The following L3MBTL2 variants were observed in gnomAD, a reference collection of about 807,000 sequenced individuals.
The protein encoded by L3MBTL2 is L3MBTL histone methyl-lysine binding protein 2.
Under a neutral mutation model 86.4 loss-of-function variants are expected in L3MBTL2, and 49 were observed. The ratio of observed to expected loss-of-function variants is 0.57; its 90% CI spans 0.45 to 0.72. L3MBTL2 has a LOEUF of 0.72. Ranked by LOEUF, L3MBTL2 falls within the 30% of genes least tolerant of loss-of-function variation. The pLI, the probability that L3MBTL2 is intolerant of heterozygous loss-of-function variation, is 0.00. For synonymous variants in L3MBTL2, 336 were observed against 350.6 expected (o/e 0.96, Z 0.47); for missense variants, 755 against 923.7 (o/e 0.82, Z 2.37).
Position 41,225,850 on chromosome 22 carries a change from C to G in L3MBTL2, c.1413C>G (p.Gly471=). The part of the protein sequence containing the change: ...ICVDGGPSTD[G]LDWFCYHASS... ...TGGACGGGGGGCCCTCCACAGATGG[C>G]TTGGACTGGTTCTGCTACCATGCCT... is the stretch of plus-strand genomic sequence containing the variant. The change falls in exon 12 of 17, where the codon GGC becomes GGG. Residue 471 remains glycine (G), a synonymous_variant. Transcript: ENST00000216237. The surrounding 1 kb of genome is among the most constrained non-coding windows in gnomAD (Gnocchi z 4.1). 4 of 1,614,162 alleles carry G rather than the reference C, an allele frequency of 2.5e-6. No homozygotes were observed. The highest frequency in any genetic ancestry group is 3.4e-6 in the Non-Finnish European group (4 of 1,180,022).
At chr22:41,207,236 CTTTTTTTTTT>C (rs753351369) in intron 1 of L3MBTL2, among the ~76,000 whole-genome samples, 4 of 120,524 alleles carry the variant, frequency 3.3e-5, no homozygotes, top group African/African-American at 6.4e-5. Flanking sequence ...CCCCCAAATC[CTTTTTTTTTT>C]TTTTTTTTTT....
At position 41,216,271 on chromosome 22, in the gene L3MBTL2, G is replaced by C. The variant is rs201967099; in HGVS notation, c.520+9G>C. On this transcript the variant is annotated intron_variant, in intron 4 of 16. Coordinates refer to ENST00000216237, the MANE Select transcript of L3MBTL2 (RefSeq NM_031488.5). ...ACCAACAGGACAAGACGGTAAGATAGCAGAGGGCCCTGCTTAGGAAGCTGC... is the reference window on the plus strand; with the variant it reads ...ACCAACAGGACAAGACGGTAAGATACCAGAGGGCCCTGCTTAGGAAGCTGC... The C allele has an allele frequency of 8.7e-6, 14 of 1,611,230 alleles. No homozygotes were observed. Among genetic ancestry groups the C allele is most frequent in the Non-Finnish European group, 1.0e-5 (12 of 1,177,814 alleles).
intron 2 of L3MBTL2, among the ~76,000 whole-genome samples, chr22:41,210,669 G>A (rs894223121): frequency 4.0e-5 from 6 of 151,866 alleles, no homozygotes; most frequent in African/African-American, 1.2e-4. Context: ...TCACCATGTC[G>A]GCCAGGCTGG....
chr22:41,228,415 C>T (rs555818270), intron 15 of L3MBTL2: 3 of 985,466 alleles, frequency 3.0e-6, no homozygotes, highest in African/African-American at 3.5e-5. Flanking sequence ...GCTTGGGTTC[C>T]ACTTGAGGGG....
chr22:41,205,415 G>A lies in L3MBTL2; in HGVS notation c.24+29G>A, dbSNP rs758567833. 7 of 1,613,908 alleles carry A rather than the reference G, an allele frequency of 4.3e-6. No individual in the cohort carries two copies. The South Asian group carries it at 6.6e-5, about 15-fold the overall frequency. On this transcript the variant is annotated intron_variant, in intron 1 of 16. Coordinates refer to ENST00000216237, the MANE Select transcript of L3MBTL2 (RefSeq NM_031488.5). ...AGAAGGCGAGGACTTAGCGTGACTG[G>A]GAAAGGGAACTCCGAGAGCCTCGCT...
At chr22:41,205,925 C>T (rs1048702002) in intron 1 of L3MBTL2, 6 of 157,716 alleles carry the variant, frequency 3.8e-5, no homozygotes, top group Admixed American at 2.4e-4. Flanking sequence ...TAAGTCTGTC[C>T]GCCTCTGAAA....
rs189952384 is a variant in L3MBTL2 at position 41,206,748 on chromosome 22, G to A, written c.24+1362G>A. ...TGGGAGGCGGAGCTTGCAGTGAGCC[G>A]AGATCGGGCCACTGCACCACTGCAC... On this transcript the variant is annotated intron_variant, in intron 1 of 16. Coordinates refer to ENST00000216237, the MANE Select transcript of L3MBTL2 (RefSeq NM_031488.5). Among the ~76,000 whole-genome samples the A allele has an allele frequency of 1.7e-3, 264 of 151,704 alleles. 1 individual carries two copies. The highest frequency in any genetic ancestry group is 6.0e-3 in the African/African-American group (248 of 41,362).
At chr22:41,219,297 A>G in intron 5 of L3MBTL2, 122 bp from the exon 6 acceptor site, 1 of 726,950 alleles carries the variant, frequency 1.4e-6, no homozygotes, top group Non-Finnish European at 2.5e-6. Flanking sequence ...CTGGTTCTGC[A>G]CACAGTGGGT....
intron 1 of L3MBTL2, among the ~76,000 whole-genome samples, chr22:41,208,776 A>G (rs900713994): frequency 6.6e-6 from 1 of 151,962 alleles, no homozygotes; most frequent in Non-Finnish European, 1.5e-5. Context: ...ACAGCATCTC[A>G]CTCCATTACC....
chr22:41,211,684 G>A (rs2030835233), intron 2 of L3MBTL2, among the ~76,000 whole-genome samples: 1 of 148,500 alleles, frequency 6.7e-6, no homozygotes, highest in South Asian at 2.1e-4. Context: ...AGCCTCCCCA[G>A]CAGCTGGGAC....
At chr22:41,213,057 AAC>A (rs1490511398) in intron 2 of L3MBTL2, among the ~76,000 whole-genome samples, 1 of 150,626 alleles carries the variant, frequency 6.6e-6, no homozygotes, top group Non-Finnish European at 1.5e-5. Flanking sequence ...CTCTACTAAA[AAC>A]ACAAAAAAAT....
rs574914336 is a variant in L3MBTL2, at chr22:41,225,257, G to C, written c.1356+186G>C. On this transcript the variant is annotated intron_variant, in intron 11 of 16. Transcript: ENST00000216237. The surrounding 1 kb of genome is among the most constrained non-coding windows in gnomAD (Gnocchi z 4.1). Reference sequence around the variant, plus strand: ...TGCCCCTTGCTCAGAATCTGCTTTCGTGTCAGGGTCCAAGGCTCCCTGGAC... The same window carrying C: ...TGCCCCTTGCTCAGAATCTGCTTTCCTGTCAGGGTCCAAGGCTCCCTGGAC... Among the ~76,000 whole-genome samples, 1 of 152,320 alleles carries C rather than the reference G, an allele frequency of 6.6e-6. No homozygotes were observed. The highest frequency in any genetic ancestry group is 2.1e-4 in the South Asian group (1 of 4,824).
chr22:41,218,354 A>C (rs2031555042), intron 5 of L3MBTL2: 1 of 152,146 alleles, frequency 6.6e-6, no homozygotes, highest in Non-Finnish European at 1.5e-5. Flanking sequence ...CTCTACTAAA[A>C]ATACAAAAAT....
At position 41,219,767 on chromosome 22, in the gene L3MBTL2, T is replaced by C. The variant is rs757623156; in HGVS notation, c.718+231T>C. 2.0e-5 allele frequency among the ~76,000 whole-genome samples: 3 copies of C among 152,122 alleles called. No homozygotes were observed. In the East Asian group the frequency reaches 5.8e-4, roughly 29 times the overall value. On this transcript the variant is annotated intron_variant, in intron 6 of 16. Coordinates refer to ENST00000216237, the MANE Select transcript of L3MBTL2 (RefSeq NM_031488.5). ...TTGTTATTTTGTTTTTTTTAGATGGTGTCTTGCTCTGTCACCCAGGCTGGA... is the reference window on the plus strand; with the variant it reads ...TTGTTATTTTGTTTTTTTTAGATGGCGTCTTGCTCTGTCACCCAGGCTGGA...
At chr22:41,213,577 C>G (rs986461801) in intron 2 of L3MBTL2, 1 of 188,712 alleles carries the variant, frequency 5.3e-6, no homozygotes, top group East Asian at 1.3e-4. Flanking sequence ...CAGACAGGAG[C>G]TACCATGCCT....
intron 2 of L3MBTL2, 152 bp downstream of exon 2, chr22:41,210,085 G>T: frequency 1.0e-6 from 1 of 963,842 alleles, no homozygotes; most frequent in Non-Finnish European, 1.5e-6. Context: ...GACCTGTAAG[G>T]GAGACAGAAG....
intron 5 of L3MBTL2, chr22:41,218,449 G>A (rs2031562562): frequency 6.6e-6 from 1 of 152,056 alleles, no homozygotes. Context: ...AGAGGCGGAG[G>A]TTGTAATGAG....
rs1569146861 is a variant in L3MBTL2, at chr22:41,221,226, A to G, written c.881A>G (p.Lys294Arg). 3 of 1,551,184 alleles carry G rather than the reference A, an allele frequency of 1.9e-6. No homozygotes were observed. Among genetic ancestry groups the G allele is most frequent in the Admixed American group, 2.0e-5 (1 of 50,992 alleles). The change falls in exon 8 of 17, where the codon AAG becomes AGG. Residue 294 changes from lysine (K) to arginine (R), a missense_variant. Around this residue, in one of 3 missense-constraint regions of L3MBTL2, gnomAD observed 634 missense variants for 748.9 expected, o/e 0.85. Coordinates refer to ENST00000216237, the MANE Select transcript of L3MBTL2 (RefSeq NM_031488.5). ...ATCCATGCCAAGTTCACCGACTGGAAGGGCTACCTCATGAAACGGCTGGTG... is the reference window on the plus strand; with the variant it reads ...ATCCATGCCAAGTTCACCGACTGGAGGGGCTACCTCATGAAACGGCTGGTG... The part of the protein sequence containing the change: ...RTIHAKFTDW[K>R]GYLMKRLVGS...
Position 41,221,243 on chromosome 22 carries a change from C to A in L3MBTL2, c.898C>A (p.Arg300=). 1 of 1,551,518 alleles carries A rather than the reference C, an allele frequency of 6.4e-7. No homozygotes were observed. Among genetic ancestry groups the A allele is most frequent in the Non-Finnish European group, 8.7e-7 (1 of 1,146,776 alleles). ...CGACTGGAAGGGCTACCTCATGAAA[C>A]GGCTGGTGGGCTCCAGGACGCTTCC... ...FTDWKGYLMK[R]LVGSRTLPVD... The change falls in exon 8 of 17, where the codon CGG becomes AGG. Residue 300 remains arginine (R), a synonymous_variant. Coordinates refer to ENST00000216237, the MANE Select transcript of L3MBTL2 (RefSeq NM_031488.5).
Sources: allele counts gnomAD v4.1 joint callset (sites outside exome capture counted in the v4.1 genomes callset), GRCh38; gene constraint gnomAD v4.1.1; regional missense constraint gnomAD v4.1.1; non-coding constraint Gnocchi (gnomAD v3.1); transcripts MANE v1.5; gene names NCBI Gene and HGNC (gene_info 2026-07-23, HGNC 2026-07-21).